The following ANK3 variants were observed in gnomAD, a reference collection of about 807,000 sequenced individuals.
ANK3 encodes the protein ankyrin-3.
In ANK3, 57 loss-of-function variants were observed where a neutral mutation model predicts 370.9. That is an observed-to-expected ratio of 0.15 (90% CI 0.12 to 0.19). The LOEUF (loss-of-function observed/expected upper bound fraction) is 0.19. Ranked by LOEUF, ANK3 falls within the 10% of genes least tolerant of loss-of-function variation. The pLI is 1.00. For missense variants in ANK3, 4,439 were observed against 5,302.1 expected (o/e 0.84, Z 5.06); for synonymous variants, 1,929 against 1,946.3 (o/e 0.99, Z 0.23).
chr10:60,308,340 C>A (rs1008294033), intron 1 of ANK3, among the ~76,000 whole-genome samples: 12 of 138,032 alleles, frequency 8.7e-5, no homozygotes, highest in African/African-American at 3.2e-4. Flanking sequence ...CGTTCTGTTG[C>A]CCAGGCTGGA....
At chr10:60,529,794 A>G (rs1157978003) in intron 2 of ANK3, among the ~76,000 whole-genome samples, 1 of 152,162 alleles carries the variant, frequency 6.6e-6, no homozygotes, top group African/African-American at 2.4e-5. Context: ...GCAACCCCCA[A>G]TCATCTTACT....
chr10:60,733,369 C>T, exon 1 of ANK3: 1 of 1,225,126 alleles, frequency 8.2e-7, no homozygotes, highest in Non-Finnish European at 1.0e-6. Flanking sequence ...GTCTCTCCTC[C>T]CCGTCCCGCT....
chr10:60,678,431 G>T (rs1052785820), intron 1 of ANK3, among the ~76,000 whole-genome samples: 1 of 151,970 alleles, frequency 6.6e-6, no homozygotes, highest in Non-Finnish European at 1.5e-5. Context: ...TTTAAGAACC[G>T]CAAAAGCCAA....
At chr10:60,202,898 C>G (rs1032998744) in intron 12 of ANK3, 104 bp downstream of exon 12, 3 of 741,292 alleles carry the variant, frequency 4.0e-6, no homozygotes, top group Admixed American at 5.7e-5. Context: ...CAGAGCGATA[C>G]TCCAACTCTT....
In ANK3 at chr10:60,377,905, T is replaced by C. The variant is rs370570771; in HGVS notation, c.114+11520A>G. 1.5e-3 allele frequency among the ~76,000 whole-genome samples: 223 copies of C among 152,336 alleles called. 8 individuals carry two copies. The South Asian group carries it at 0.045, about 31-fold the overall frequency. Reference sequence around the variant, plus strand: ...ATGTGAGACAACAATGTTTGACACCTACCAATTATTTTTATCGTAAATTGA... The same window carrying C: ...ATGTGAGACAACAATGTTTGACACCCACCAATTATTTTTATCGTAAATTGA... On this transcript the variant is annotated intron_variant, in intron 1 of 43. Coordinates refer to ENST00000280772, the MANE Select transcript of ANK3 (RefSeq NM_020987.5).
intron 11 of ANK3, among the ~76,000 whole-genome samples, chr10:60,203,462 G>A (rs1193880419): frequency 6.6e-6 from 1 of 152,102 alleles, no homozygotes; most frequent in African/African-American, 2.4e-5. Context: ...GTAGAAGGAG[G>A]AGAGCTGTGA....
intron 40 of ANK3, chr10:60,062,352 T>C (rs1483957303): frequency 6.6e-6 from 1 of 152,118 alleles, no homozygotes; most frequent in African/African-American, 2.4e-5. Context: ...TAGGAAGATA[T>C]TTATTATGTT....
At chr10:60,612,464 T>TTTG (rs1325144254) in intron 2 of ANK3, among the ~76,000 whole-genome samples, 3 of 152,030 alleles carry the variant, frequency 2.0e-5, no homozygotes, top group Admixed American at 2.0e-4. Flanking sequence ...CACTCGGTAT[T>TTTG]TTGTTGTTGT....
intron 9 of ANK3, among the ~76,000 whole-genome samples, chr10:60,209,547 A>C (rs1426066723): frequency 6.6e-6 from 1 of 152,232 alleles, no homozygotes. Context: ...GAAAGAGCTC[A>C]GCAAATATCT....
chr10:60,343,356 A>G (rs2054684851), intron 1 of ANK3, among the ~76,000 whole-genome samples: 1 of 152,206 alleles, frequency 6.6e-6, no homozygotes, highest in Middle Eastern at 3.2e-3. Flanking sequence ...GTGGATATCC[A>G]TTTATTTTAC....
At chr10:60,665,754 C>T (rs1026534454) in intron 1 of ANK3, among the ~76,000 whole-genome samples, 1 of 152,168 alleles carries the variant, frequency 6.6e-6, no homozygotes, top group African/African-American at 2.4e-5. Flanking sequence ...AATAAAATAG[C>T]AGTTCTCAAC....
chr10:60,458,508 T>A (rs1489373436), intron 2 of ANK3, among the ~76,000 whole-genome samples: 2 of 152,040 alleles, frequency 1.3e-5, no homozygotes, highest in Non-Finnish European at 2.9e-5. Flanking sequence ...TCATATACAA[T>A]GGTTGTATGT....
intron 1 of ANK3, among the ~76,000 whole-genome samples, chr10:60,644,882 T>C (rs1475191618): frequency 9.1e-6 from 1 of 109,670 alleles, no homozygotes; most frequent in African/African-American, 3.3e-5. Context: ...TTACAGATAG[T>C]TTTAGTTTAA....
intron 1 of ANK3, among the ~76,000 whole-genome samples, chr10:60,305,457 C>A (rs143619051): frequency 4.0e-5 from 6 of 151,788 alleles, no homozygotes; most frequent in African/African-American, 1.4e-4. Flanking sequence ...ATCATGCTTA[C>A]TGGCAAGATA....
At chr10:60,561,060 G>A (rs180799492) in intron 2 of ANK3, among the ~76,000 whole-genome samples, 131 of 152,180 alleles carry the variant, frequency 8.6e-4, no homozygotes, top group African/African-American at 3.0e-3. Context: ...AACTAAATAA[G>A]TTAGCATCAT....
At chr10:60,482,118 C>T (rs1322665105) in intron 2 of ANK3, among the ~76,000 whole-genome samples, 1 of 152,166 alleles carries the variant, frequency 6.6e-6, no homozygotes, top group Non-Finnish European at 1.5e-5. Context: ...GTAATGCCTT[C>T]TGTCATCTCC....
At chr10:60,058,773 A>AGAC (rs2079724337) in intron 41 of ANK3, among the ~76,000 whole-genome samples, 1 of 152,184 alleles carries the variant, frequency 6.6e-6, no homozygotes, top group Non-Finnish European at 1.5e-5. Flanking sequence ...TATGTTTTTG[A>AGAC]GACAGAGTCT....
intron 7 of ANK3, among the ~76,000 whole-genome samples, chr10:60,252,602 G>C (rs1347034106): frequency 6.6e-6 from 1 of 152,002 alleles, no homozygotes; most frequent in Non-Finnish European, 1.5e-5. Flanking sequence ...ACATATTCAA[G>C]GAGAAAAAGT....
At chr10:60,212,207 T>C (rs1214406800) in intron 9 of ANK3, among the ~76,000 whole-genome samples, 5 of 152,166 alleles carry the variant, frequency 3.3e-5, no homozygotes, top group African/African-American at 4.8e-5. Flanking sequence ...CTTACTGCTC[T>C]GAGAAAATGA....
Sources: gnomAD v4.1 joint callset for allele counts (sites outside exome capture counted in the v4.1 genomes callset) on GRCh38, gnomAD v4.1.1 for gene constraint, MANE v1.5 for transcripts, NCBI Gene and HGNC (gene_info 2026-07-23, HGNC 2026-07-21) for gene names.